NEK4: variants seen among roughly 807,000 people sequenced by gnomAD.
NEK4 encodes the protein serine/threonine-protein kinase Nek4.
NEK4 carries 86 observed loss-of-function variants against 98.4 expected under a neutral mutation model. The ratio of observed to expected loss-of-function variants is 0.87; its 90% CI spans 0.73 to 1.05. NEK4 has a LOEUF of 1.05. NEK4 is among the 50% of genes least tolerant of loss of function. NEK4 has a pLI of 0.00. For missense variants in NEK4, 898 were observed against 950.3 expected (o/e 0.94, Z 0.72); for synonymous variants, 328 against 342.2 (o/e 0.96, Z 0.46).
chr3:52,752,652 C>A (rs2097407266), intron 6 of NEK4, among the ~76,000 whole-genome samples: 1 of 151,794 alleles, frequency 6.6e-6, no homozygotes, highest in African/African-American at 2.4e-5. Flanking sequence ...GTAATCCCAG[C>A]AGTTTGGGAG....
At chr3:52,766,098 TTC>T (rs1409307532) in intron 3 of NEK4, 78 bp downstream of exon 3, 33 of 1,458,268 alleles carry the variant, frequency 2.3e-5, no homozygotes, top group Non-Finnish European at 3.1e-5. Flanking sequence ...TCATAGATAA[TTC>T]TCTGACTTAA....
chr3:52,742,527 A>G (rs1337594021), intron 12 of NEK4, among the ~76,000 whole-genome samples: 1 of 152,212 alleles, frequency 6.6e-6, no homozygotes, highest in East Asian at 1.9e-4. Context: ...CTTTCAAAGA[A>G]CAGGAAGAAT....
At chr3:52,761,768 A>T (rs1242864217) in intron 5 of NEK4, among the ~76,000 whole-genome samples, 1 of 152,244 alleles carries the variant, frequency 6.6e-6, no homozygotes, top group African/African-American at 2.4e-5. Context: ...ATTGCCTCAC[A>T]TACGGGAGTA....
intron 15 of NEK4, among the ~76,000 whole-genome samples, chr3:52,718,079 C>G (rs1367242491): frequency 6.6e-6 from 1 of 152,072 alleles, no homozygotes; most frequent in African/African-American, 2.4e-5. Context: ...CAGGCGTGAG[C>G]TACTGCACCT....
At chr3:52,760,361 T>A (rs918111931) in intron 6 of NEK4, among the ~76,000 whole-genome samples, 1 of 152,076 alleles carries the variant, frequency 6.6e-6, no homozygotes, top group African/African-American at 2.4e-5. Flanking sequence ...TGACTACAGG[T>A]ACATGCCACC....
chr3:52,752,068 A>T lies in NEK4; in HGVS notation c.1232T>A (p.Leu411Gln). ...GGCACTGGATTTAGTGTTGTCCTGC[A>T]GCATCTCCTCTTCCACTTGAGAAAT... ...CSISQVEEEM[L>Q]QDNTKSSAQP... Residue 411 changes from leucine (L) to glutamine (Q), a missense_variant, in exon 7 of 16, where the codon CTG becomes CAG. Coordinates refer to ENST00000233027, the MANE Select transcript of NEK4 (RefSeq NM_003157.6). The T allele has an allele frequency of 6.2e-7, 1 of 1,614,262 alleles. No individual in the cohort carries two copies. The highest frequency in any genetic ancestry group is 8.5e-7 in the Non-Finnish European group (1 of 1,180,050).
intron 6 of NEK4, among the ~76,000 whole-genome samples, chr3:52,757,963 G>A (rs150333365): frequency 6.6e-6 from 1 of 152,126 alleles, no homozygotes; most frequent in African/African-American, 2.4e-5. Context: ...ATTGCCTGAG[G>A]TCAGGAGTTC....
intron 4 of NEK4, 108 bp downstream of exon 4, chr3:52,765,779 T>G: frequency 1.4e-6 from 1 of 699,030 alleles, no homozygotes; most frequent in East Asian, 2.6e-5. Context: ...CAACCCAATC[T>G]CAATAATTAC....
At chr3:52,754,875 C>T (rs1030776844) in intron 6 of NEK4, among the ~76,000 whole-genome samples, 2 of 152,020 alleles carry the variant, frequency 1.3e-5, no homozygotes, top group Admixed American at 6.6e-5. Context: ...AGATCCAGAA[C>T]ATCCTGGCTA....
rs779275112 is a variant in NEK4 at position 52,760,804 on chromosome 3, T to C, written c.954A>G (p.Thr318=). 2.0e-5 allele frequency: 32 copies of C among 1,604,384 alleles called. No homozygotes were observed. The Middle Eastern group carries it at 4.9e-4, about 25-fold the overall frequency. Reference sequence around the variant, plus strand: ...TTAAAAAGAAACGTACCATTATATATGTCTGGGAGCCCTCAGAAGAGAGTG... The same window carrying C: ...TTAAAAAGAAACGTACCATTATATACGTCTGGGAGCCCTCAGAAGAGAGTG... ...PQPLSSEGSQ[T]YIMGEGKCLS... Residue 318 remains threonine (T), a synonymous_variant, in exon 6 of 16, where the codon ACA becomes ACG. Coordinates refer to ENST00000233027, the MANE Select transcript of NEK4 (RefSeq NM_003157.6).
At chr3:52,739,368 C>T (rs2097381795) in intron 14 of NEK4, 61 bp downstream of exon 14, 4 of 1,432,598 alleles carry the variant, frequency 2.8e-6, no homozygotes, top group Non-Finnish European at 2.9e-6. Flanking sequence ...TACTGCACTC[C>T]AGCCTGGGTG....
At chr3:52,755,434 A>G (rs2097413495) in intron 6 of NEK4, among the ~76,000 whole-genome samples, 1 of 152,134 alleles carries the variant, frequency 6.6e-6, no homozygotes, top group Admixed American at 6.5e-5. Context: ...AAAAAAACAC[A>G]TGATCATCAA....
intron 5 of NEK4, 35 bp from the exon 6 acceptor site, chr3:52,760,971 T>C: frequency 7.2e-7 from 1 of 1,394,874 alleles, no homozygotes; most frequent in East Asian, 2.3e-5. Context: ...TTATTATCAA[T>C]ATACTGAAGA....
intron 15 of NEK4, among the ~76,000 whole-genome samples, chr3:52,728,398 G>A (rs1452954628): frequency 6.6e-6 from 1 of 152,160 alleles, no homozygotes; most frequent in African/African-American, 2.4e-5. Flanking sequence ...CATGGCAGAG[G>A]AACATAAATT....
In NEK4 at chr3:52,770,718, C is replaced by T. The variant is rs866261741; in HGVS notation, c.29G>A (p.Arg10Gln). 3.8e-6 allele frequency: 6 copies of T among 1,576,734 alleles called. No individual in the cohort carries two copies. The Admixed American group carries it at 9.1e-5, about 24-fold the overall frequency. The change falls in exon 1 of 16, where the codon CGG becomes CAG. Residue 10 changes from arginine to glutamine, a missense_variant. Physicochemically the swap from Arg to Gln is conservative, Grantham distance 43 (BLOSUM62 1). Transcript: ENST00000233027. MPLAAYCYL[R>Q]VVGKGSYGEV... is the part of the protein sequence containing the mutation. The stretch of plus-strand genomic sequence containing the variant: ...TCCATAGCTCCCCTTGCCCACGACC[C>T]GCAGGTAGCAGTAGGCGGCCAGGGG...
At chr3:52,735,584 G>C (rs888113745) in intron 15 of NEK4, among the ~76,000 whole-genome samples, 24 of 152,106 alleles carry the variant, frequency 1.6e-4, no homozygotes, top group Non-Finnish European at 3.1e-4. Flanking sequence ...TTCTCTTTTT[G>C]ATCCAATGTA....
intron 15 of NEK4, among the ~76,000 whole-genome samples, chr3:52,729,795 C>T (rs1299890229): frequency 4.8e-5 from 7 of 146,306 alleles, no homozygotes; most frequent in Admixed American, 4.8e-4. Flanking sequence ...AAAATGGATA[C>T]ATTACTACCA....
intron 1 of NEK4, 30 bp downstream of exon 1, chr3:52,770,624 C>T (rs1183863725): frequency 2.8e-6 from 4 of 1,440,126 alleles, no homozygotes; most frequent in African/African-American, 1.4e-5. Flanking sequence ...TGCCCGCCCC[C>T]GCCCCTTGCC....
chr3:52,760,907 C>T lies in NEK4; in HGVS notation c.851G>A (p.Gly284Asp). The T allele has an allele frequency of 6.3e-7, 1 of 1,588,656 alleles. No individual in the cohort carries two copies. Among genetic ancestry groups the T allele is most frequent in the South Asian group, 1.1e-5 (1 of 88,016 alleles). Reference sequence around the variant, plus strand: ...AGCAAAAGGCTTGGATTGAGAGTCACCATTTTTAATGTTATTTTTGGAGGT... The same window carrying T: ...AGCAAAAGGCTTGGATTGAGAGTCATCATTTTTAATGTTATTTTTGGAGGT... ...IKTSKNNIKN[G>D]DSQSKPFATV... is the part of the protein sequence containing the mutation. Residue 284 changes from glycine to aspartate, a missense_variant, in exon 6 of 16, where the codon GGT (glycine) becomes GAT (aspartate). Gly to Asp is a moderately conservative substitution (Grantham distance 94). Coordinates refer to ENST00000233027, the MANE Select transcript of NEK4 (RefSeq NM_003157.6).
Sources: gnomAD v4.1 joint callset for allele counts (sites outside exome capture counted in the v4.1 genomes callset) on GRCh38, gnomAD v4.1.1 for gene constraint, MANE v1.5 for transcripts, NCBI Gene and HGNC (gene_info 2026-07-23, HGNC 2026-07-21) for gene names.